The following SH3KBP1 variants were observed in gnomAD, a reference collection of about 807,000 sequenced individuals.
SH3KBP1 encodes SH3 domain-containing kinase-binding protein 1.
SH3KBP1 carries 8 observed loss-of-function variants against 50.1 expected under a neutral mutation model. The observed-to-expected ratio is 0.16, with a 90% CI of 0.09 to 0.29. The LOEUF is 0.29. SH3KBP1 is among the 10% of genes least tolerant of loss of function. The probability of loss-of-function intolerance (pLI) is 1.00; values close to 1 mark genes in which losing one functional copy is unlikely to be tolerated. For missense variants in SH3KBP1, 377 were observed against 535.2 expected (o/e 0.70, Z 2.92); for synonymous variants, 227 against 218.6 (o/e 1.04, Z -0.34).
chrX:19,582,981 A>C, intron 12 of SH3KBP1, among the ~76,000 whole-genome samples: 1 of 109,620 alleles, frequency 9.1e-6, no homozygotes, highest in South Asian at 4.0e-4. Flanking sequence ...GCTGCCTTCC[A>C]CTGCATGCAA....
At chrX:19,619,882 A>G (rs1234567961) in intron 8 of SH3KBP1, among the ~76,000 whole-genome samples, 1 of 112,666 alleles carries the variant, frequency 8.9e-6, no homozygotes, top group Admixed American at 9.4e-5. Flanking sequence ...ATTTTGTGGG[A>G]AAGTTGCTAG....
intron 3 of SH3KBP1, among the ~76,000 whole-genome samples, chrX:19,732,234 T>C (rs1477001807): frequency 9.0e-6 from 1 of 111,598 alleles, no homozygotes; most frequent in African/African-American, 3.3e-5. Context: ...ATATTTATCA[T>C]TTCTTTGTAG....
At chrX:19,736,493 C>T (rs989936112) in intron 3 of SH3KBP1, among the ~76,000 whole-genome samples, 1 of 112,079 alleles carries the variant, frequency 8.9e-6, no homozygotes, top group African/African-American at 3.3e-5. Flanking sequence ...AACACAAATG[C>T]GACAAGCAGG....
At chrX:19,784,379 C>T (rs374051373) in intron 2 of SH3KBP1, among the ~76,000 whole-genome samples, 2 of 111,405 alleles carry the variant, frequency 1.8e-5, no homozygotes, top group East Asian at 5.6e-4. Context: ...TAGATGGTAG[C>T]TTTTTTATTA....
intron 17 of SH3KBP1, 109 bp from the exon 18 acceptor site, chrX:19,536,567 A>T (rs952410278): frequency 4.6e-5 from 22 of 480,608 alleles, no homozygotes; most frequent in Middle Eastern, 4.6e-4. Flanking sequence ...TCAATCTGAC[A>T]ATTTTAAAGG....
At chrX:19,862,288 T>A in intron 1 of SH3KBP1, among the ~76,000 whole-genome samples, 1 of 112,439 alleles carries the variant, frequency 8.9e-6, no homozygotes, top group Non-Finnish European at 1.9e-5. Flanking sequence ...TTTCTGTTGT[T>A]AATTGTCAGT....
rs972546520 is a variant in SH3KBP1, at chrX:19,791,443, T to C, written c.162+44682A>G. 5.5e-5 allele frequency among the ~76,000 whole-genome samples: 6 copies of C among 109,793 alleles called. No homozygotes were observed. In the South Asian group the frequency reaches 2.3e-3, roughly 42 times the overall value. On this transcript the variant is annotated intron_variant, in intron 2 of 17. Transcript: ENST00000397821. ...ATGCATTAAGTAGAAAAAAGCTACT[T>C]GGCTCACACATTGCATTCTGTTGCC...
rs61761898 is a variant in SH3KBP1, at chrX:19,545,924, G to C, written c.1621C>G (p.Gln541Glu). ...CCTCGCCATGGCTGGTGACTCACTT[G>C]GGATATGGTAACAGTCTTGGAAGTT... ...KKTSKTVTISQVSDNKASLPP... is the reference protein window; with the variant it reads ...KKTSKTVTISEVSDNKASLPP... The change falls in exon 15 of 18, where the codon CAA becomes GAA. Residue 541 changes from glutamine to glutamate, a missense_variant and splice_region_variant. Transcript: ENST00000397821. 4,076 of 1,209,148 alleles carry C rather than the reference G, an allele frequency of 3.4e-3. 13 individuals are homozygous for C. The highest frequency in any genetic ancestry group is 8.0e-3 in the Middle Eastern group (35 of 4,353).
chrX:19,785,576 G>A (rs1386705516), intron 2 of SH3KBP1, among the ~76,000 whole-genome samples: 1 of 111,264 alleles, frequency 9.0e-6, no homozygotes, highest in East Asian at 2.8e-4. Context: ...CTTAACTGGA[G>A]GGTAATAGTG....
chrX:19,668,533 C>T (rs1381493868), intron 6 of SH3KBP1, among the ~76,000 whole-genome samples: 1 of 106,956 alleles, frequency 9.3e-6, no homozygotes, highest in African/African-American at 3.4e-5. Context: ...GTGTGTACTG[C>T]ATGCATATTC....
At chrX:19,592,432 AC>A (rs1364207542) in intron 10 of SH3KBP1, among the ~76,000 whole-genome samples, 9 of 112,085 alleles carry the variant, frequency 8.0e-5, no homozygotes, top group South Asian at 3.8e-4. Context: ...CAATATAGTC[AC>A]AGGAAATCAC....
intron 1 of SH3KBP1, among the ~76,000 whole-genome samples, chrX:19,885,509 C>A (rs1010225928): frequency 8.9e-6 from 1 of 111,964 alleles, no homozygotes; most frequent in Non-Finnish European, 1.9e-5. Context: ...CAGGAGCACT[C>A]TATTTTTCGT....
intron 2 of SH3KBP1, among the ~76,000 whole-genome samples, chrX:19,759,568 G>A (rs1328905815): frequency 8.9e-6 from 1 of 111,988 alleles, no homozygotes; most frequent in African/African-American, 3.3e-5. Flanking sequence ...ACAAAACAAT[G>A]CCATTTCATG....
At position 19,647,963 on chromosome X, in the gene SH3KBP1, T is replaced by C. The variant is rs1301742562; in HGVS notation, c.727-2488A>G. ...TGACCTAGATGTGGGAGGGAGTCCATTAGTATTAATCAAATGCCTTTTCTT... is the reference window on the plus strand; with the variant it reads ...TGACCTAGATGTGGGAGGGAGTCCACTAGTATTAATCAAATGCCTTTTCTT... On this transcript the variant is annotated intron_variant, in intron 6 of 17. Coordinates refer to ENST00000397821, the MANE Select transcript of SH3KBP1 (RefSeq NM_031892.3). 5 of 360,121 alleles carry C rather than the reference T, an allele frequency of 1.4e-5. No homozygotes were observed. The East Asian group carries it at 3.8e-4, about 27-fold the overall frequency. The allele number at this position is 360,121 out of a possible 1,213,427, so 29.7% of individuals were successfully genotyped here.
intron 6 of SH3KBP1, among the ~76,000 whole-genome samples, chrX:19,663,510 C>T (rs1034026812): frequency 9.0e-6 from 1 of 110,998 alleles, no homozygotes; most frequent in African/African-American, 3.3e-5. Context: ...CTATAGGCTC[C>T]GCACAGAGAA....
intron 3 of SH3KBP1, among the ~76,000 whole-genome samples, chrX:19,723,598 T>C (rs1343134825): frequency 8.9e-6 from 1 of 112,322 alleles, no homozygotes; most frequent in Non-Finnish European, 1.9e-5. Flanking sequence ...TCTGTAGGGA[T>C]GACCATGAAC....
intron 8 of SH3KBP1, among the ~76,000 whole-genome samples, chrX:19,622,801 G>A (rs2067879195): frequency 8.9e-6 from 1 of 112,286 alleles, no homozygotes; most frequent in Admixed American, 9.4e-5. Context: ...CCAGCACTTT[G>A]GGAGGCCAAG....
At chrX:19,811,245 A>G (rs1482242006) in intron 2 of SH3KBP1, among the ~76,000 whole-genome samples, 1 of 112,249 alleles carries the variant, frequency 8.9e-6, no homozygotes, top group Non-Finnish European at 1.9e-5. Flanking sequence ...GCTGTTAAAC[A>G]GCAATTACAG....
At chrX:19,752,586 A>G (rs973949497) in intron 2 of SH3KBP1, among the ~76,000 whole-genome samples, 3 of 111,366 alleles carry the variant, frequency 2.7e-5, no homozygotes, top group Non-Finnish European at 5.7e-5. Flanking sequence ...GGGGAGGTGT[A>G]CCAGGGAGTC....
Sources: gnomAD v4.1 joint callset for allele counts (sites outside exome capture counted in the v4.1 genomes callset) on GRCh38, gnomAD v4.1.1 for gene constraint, MANE v1.5 for transcripts, NCBI Gene and HGNC (gene_info 2026-07-23, HGNC 2026-07-21) for gene names.